The following ELAPOR1 variants were observed in gnomAD, a reference collection of about 807,000 sequenced individuals.
The protein encoded by ELAPOR1 is endosome-lysosome associated apoptosis and autophagy regulator 1.
ELAPOR1 carries 77 observed loss-of-function variants against 119.7 expected under a neutral mutation model. The ratio of observed to expected loss-of-function variants is 0.64; its 90% confidence interval spans 0.54 to 0.78. The LOEUF (loss-of-function observed/expected upper bound fraction) is 0.78. Among genes scored for constraint, ELAPOR1 ranks in the 30% least tolerant of loss-of-function variants. The probability of loss-of-function intolerance (pLI) is 0.00; values close to 1 mark genes in which losing one functional copy is unlikely to be tolerated. For synonymous variants in ELAPOR1, 481 were observed against 487.2 expected (o/e 0.99, Z 0.17); for missense variants, 1,115 against 1,270.4 (o/e 0.88, Z 1.86).
At position 109,197,601 on chromosome 1, in the gene ELAPOR1, G is replaced by C; in HGVS notation, c.2249G>C (p.Gly750Ala). ...GTCATCATCCCCCCAGAGGTGACAG[G>C]CTACAAGGCCGGGGTTTCCTCACAG... ...QAVIIPPEVT[G>A]YKAGVSSQPV... The change falls in exon 16 of 22, where the codon GGC (glycine) becomes GCC (alanine). Residue 750 changes from glycine (G) to alanine (A), a missense_variant. Transcript: ENST00000369939. 6.2e-7 allele frequency: 1 copy of C among 1,614,194 alleles called. No homozygotes were observed. Among genetic ancestry groups the C allele is most frequent in the Non-Finnish European group, 8.5e-7 (1 of 1,180,044 alleles).
intron 11 of ELAPOR1, among the ~76,000 whole-genome samples, chr1:109,190,209 C>T (rs548707218): frequency 5.9e-5 from 9 of 152,296 alleles, no homozygotes; most frequent in Non-Finnish European, 1.0e-4. Context: ...AGACAGGGCA[C>T]TTGTGCTTTG....
intron 10 of ELAPOR1, 25 bp downstream of exon 10, chr1:109,189,219 A>T (rs761438133): frequency 6.2e-7 from 1 of 1,608,932 alleles, no homozygotes; most frequent in Non-Finnish European, 8.5e-7. Context: ...CTGTGCCATG[A>T]GCTGTCAGCT....
intron 7 of ELAPOR1, among the ~76,000 whole-genome samples, chr1:109,176,332 G>A (rs3738780): frequency 0.46 from 70,548 of 151,858 alleles, 17,431 homozygotes; most frequent in African/African-American, 0.65. Context: ...GGAGAGAGAA[G>A]CAGTCCCATC....
At chr1:109,192,953 T>C in intron 14 of ELAPOR1, 79 bp downstream of exon 14, 6 of 1,501,448 alleles carry the variant, frequency 4.0e-6, no homozygotes, top group Non-Finnish European at 5.4e-6. Context: ...CTGGGTAGGG[T>C]TCTTGAGAGG....
Position 109,172,073 on chromosome 1 carries a change from G to A in ELAPOR1, c.615+60G>A, listed in dbSNP as rs570083187. 132 of 1,576,530 alleles carry A rather than the reference G, an allele frequency of 8.4e-5. 1 individual carries two copies. Among genetic ancestry groups the A allele is most frequent in the Non-Finnish European group, 6.3e-5 (72 of 1,146,516 alleles). ...AAAAGCCTCTCTGGGGTTCAGATCC[G>A]TTTGAGGAATCCATCATGAGTGTAG... On this transcript the variant is annotated intron_variant, in intron 4 of 21. Coordinates refer to ENST00000369939, the MANE Select transcript of ELAPOR1 (RefSeq NM_020775.5).
At chr1:109,138,117 G>A (rs1038806213) in intron 1 of ELAPOR1, among the ~76,000 whole-genome samples, 3 of 152,148 alleles carry the variant, frequency 2.0e-5, no homozygotes, top group African/African-American at 7.2e-5. Flanking sequence ...CCCAGAGCGT[G>A]GCCCCAGGTT....
chr1:109,197,342 G>C, intron 15 of ELAPOR1, 132 bp from the exon 16 acceptor site: 2 of 746,178 alleles, frequency 2.7e-6, no homozygotes, highest in East Asian at 4.9e-5. Flanking sequence ...GACCTGGGAT[G>C]AATCATTCCC....
chr1:109,159,152 C>T (rs1651084086), intron 1 of ELAPOR1, among the ~76,000 whole-genome samples: 1 of 152,120 alleles, frequency 6.6e-6, no homozygotes, highest in South Asian at 2.1e-4. Context: ...CCTTGGCCTC[C>T]CAAAGTGCTG....
Position 109,198,063 on chromosome 1 carries a change from T to C in ELAPOR1, c.2387T>C (p.Ile796Thr). 1 of 1,613,290 alleles carries C rather than the reference T, an allele frequency of 6.2e-7. No homozygotes were observed. Among genetic ancestry groups the C allele is most frequent in the Non-Finnish European group, 8.5e-7 (1 of 1,179,256 alleles). ...GAGTCCTTGGGAATACCGGACGTGA[T>C]CTTCTTTTATAGGTGAAGATGAGAG... Reference protein sequence around the residue: ...HLESLGIPDVIFFYRSNDVTQ... With the variant: ...HLESLGIPDVTFFYRSNDVTQ... Residue 796 changes from isoleucine to threonine, a missense_variant, in exon 17 of 22, where the codon ATC becomes ACC. Physicochemically the swap from Ile to Thr is moderately conservative, Grantham distance 89. Coordinates refer to ENST00000369939, the MANE Select transcript of ELAPOR1 (RefSeq NM_020775.5).
chr1:109,164,818 T>C, intron 3 of ELAPOR1, 127 bp downstream of exon 3: 1 of 910,980 alleles, frequency 1.1e-6, no homozygotes, highest in South Asian at 1.8e-5. Context: ...GAAGCCAGGC[T>C]GCCAGGGTGA....
At chr1:109,194,696 A>G in intron 15 of ELAPOR1, 102 bp downstream of exon 15, 2 of 1,038,660 alleles carry the variant, frequency 1.9e-6, no homozygotes, top group Non-Finnish European at 2.8e-6. Flanking sequence ...TTCAGGTAGC[A>G]GGGGGTTGAG....
At chr1:109,164,271 G>A (rs956023546) in intron 2 of ELAPOR1, among the ~76,000 whole-genome samples, 9 of 151,934 alleles carry the variant, frequency 5.9e-5, no homozygotes, top group African/African-American at 1.9e-4. Context: ...TCTTTTGGCC[G>A]TTCCATACAA....
intron 1 of ELAPOR1, among the ~76,000 whole-genome samples, chr1:109,127,281 C>T (rs766208141): frequency 1.7e-4 from 24 of 142,382 alleles, no homozygotes; most frequent in Non-Finnish European, 2.7e-4. Context: ...GTGGTACAAT[C>T]TCGGCTCACT....
At chr1:109,136,863 T>G (rs1290267109) in intron 1 of ELAPOR1, among the ~76,000 whole-genome samples, 4 of 152,138 alleles carry the variant, frequency 2.6e-5, no homozygotes, top group Admixed American at 2.0e-4. Context: ...CAGACACACG[T>G]GAGTCAAATA....
At chr1:109,136,993 G>A (rs1398517287) in intron 1 of ELAPOR1, among the ~76,000 whole-genome samples, 1 of 152,136 alleles carries the variant, frequency 6.6e-6, no homozygotes, top group Non-Finnish European at 1.5e-5. Context: ...AAGGATTAGG[G>A]GCCATATCAC....
chr1:109,173,054 G>A lies in ELAPOR1; in HGVS notation c.697-420G>A, dbSNP rs571998093. Among the ~76,000 whole-genome samples, 107 of 144,862 alleles carry A rather than the reference G, an allele frequency of 7.4e-4. 2 individuals carry two copies. The South Asian group carries it at 0.024, about 33-fold the overall frequency. On this transcript the variant is annotated intron_variant, in intron 5 of 21. Transcript: ENST00000369939. Reference sequence around the variant, plus strand: ...GGAGGTTGTGGTGAGCTGAGATCGAGCCATTGCACTCCAGCCTGGGCAACA... The same window carrying A: ...GGAGGTTGTGGTGAGCTGAGATCGAACCATTGCACTCCAGCCTGGGCAACA...
At chr1:109,156,284 A>G (rs969328319) in intron 1 of ELAPOR1, among the ~76,000 whole-genome samples, 4 of 152,112 alleles carry the variant, frequency 2.6e-5, no homozygotes, top group African/African-American at 9.7e-5. Flanking sequence ...GTTCTCTAGG[A>G]TCTGTGGTAT....
At chr1:109,200,590 C>A in intron 20 of ELAPOR1, 145 bp from the exon 21 acceptor site, 1 of 735,096 alleles carries the variant, frequency 1.4e-6, no homozygotes, top group Non-Finnish European at 2.2e-6. Flanking sequence ...CTTCTATTAC[C>A]CCAGCCCTGA....
In ELAPOR1 at chr1:109,192,816, A is replaced by G; in HGVS notation, c.1889A>G (p.His630Arg). 1 of 1,614,080 alleles carries G rather than the reference A, an allele frequency of 6.2e-7. No individual in the cohort carries two copies. The highest frequency in any genetic ancestry group is 1.1e-5 in the South Asian group (1 of 91,068). The change falls in exon 14 of 22, where the codon CAC becomes CGC. Residue 630 changes from histidine (H) to arginine (R), a missense_variant. Physicochemically the swap from His to Arg is conservative, Grantham distance 29. Transcript: ENST00000369939. Reference sequence around the variant, plus strand: ...CCCACTAACACAATTCTGAAAGCCCACCAGCCTTATGGTGTCCAGGCCTGT... The same window carrying G: ...CCCACTAACACAATTCTGAAAGCCCGCCAGCCTTATGGTGTCCAGGCCTGT... ...SCPTNTILKA[H>R]QPYGVQACVP...
Sources: gnomAD v4.1 joint callset for allele counts (sites outside exome capture counted in the v4.1 genomes callset) on GRCh38, gnomAD v4.1.1 for gene constraint, MANE v1.5 for transcripts, NCBI Gene and HGNC (gene_info 2026-07-23, HGNC 2026-07-21) for gene names.